Variants in MACROD2 observed in about 807,000 individuals in gnomAD.
MACROD2 encodes mono-ADP ribosylhydrolase 2, also known as ADP-ribose glycohydrolase MACROD2.
MACROD2 carries 36 observed loss-of-function variants against 70.4 expected under a neutral mutation model. That is an observed-to-expected ratio of 0.51 (90% CI 0.39 to 0.68). The LOEUF is 0.68. Among genes scored for constraint, MACROD2 ranks in the 30% least tolerant of loss-of-function variants. MACROD2 has a pLI of 0.00. For missense variants in MACROD2, 496 were observed against 538.4 expected, an observed-to-expected ratio of 0.92 and a Z score of 0.78; for synonymous variants, 172 against 178.8, an observed-to-expected ratio of 0.96 and a Z score of 0.30.
At chr20:14,724,932 G>A (rs2123691564) in intron 5 of MACROD2, among the ~76,000 whole-genome samples, 1 of 152,220 alleles carries the variant, frequency 6.6e-6, no homozygotes, top group Non-Finnish European at 1.5e-5. Context: ...GTACAAAGAA[G>A]GCATGTTATG....
chr20:14,746,888 A>G (rs888228018), intron 5 of MACROD2, among the ~76,000 whole-genome samples: 5 of 152,098 alleles, frequency 3.3e-5, no homozygotes, highest in African/African-American at 1.2e-4. Flanking sequence ...AGCAAACTAC[A>G]TTGTTTCATT....
intron 6 of MACROD2, among the ~76,000 whole-genome samples, chr20:15,426,492 G>A (rs1012346435): frequency 5.3e-5 from 8 of 151,982 alleles, no homozygotes; most frequent in African/African-American, 1.9e-4. Context: ...CTACAGGCAT[G>A]TGCCACCATG....
chr20:14,341,580 A>G (rs914592313), intron 3 of MACROD2, among the ~76,000 whole-genome samples: 1 of 152,244 alleles, frequency 6.6e-6, no homozygotes, highest in Non-Finnish European at 1.5e-5. Flanking sequence ...TGGAGGTTGC[A>G]GTGAGCTGAG....
intron 5 of MACROD2, among the ~76,000 whole-genome samples, chr20:14,954,486 T>C (rs2074502005): frequency 1.4e-5 from 2 of 141,886 alleles, no homozygotes; most frequent in South Asian, 4.2e-4. Flanking sequence ...TATTTAAATA[T>C]ATAAATTATA....
intron 5 of MACROD2, among the ~76,000 whole-genome samples, chr20:14,966,848 T>C (rs1388151995): frequency 6.6e-6 from 1 of 152,164 alleles, no homozygotes; most frequent in Non-Finnish European, 1.5e-5. Context: ...GTTGTGCCAA[T>C]GGGTATTTGA....
At chr20:14,926,546 C>CAA (rs59492795) in intron 5 of MACROD2, among the ~76,000 whole-genome samples, 19,211 of 137,330 alleles carry the variant, frequency 0.14, 1,637 homozygotes, top group East Asian at 0.38. Context: ...AAGACTCCGT[C>CAA]AAAAAAAAAA....
intron 8 of MACROD2, chr20:15,619,828 TCTGGGACATTGTGGGA>T: frequency 6.2e-6 from 1 of 161,116 alleles, no homozygotes; most frequent in African/African-American, 2.4e-5. Flanking sequence ...TCGTTTAGTT[TCTGGGACATTGTGGGA>T]CTGGGACAAT....
chr20:14,646,007 TAA>T (rs35751486), intron 4 of MACROD2, among the ~76,000 whole-genome samples: 29,496 of 150,694 alleles, frequency 0.2, 3,423 homozygotes, highest in Non-Finnish European at 0.26. Context: ...AGTAAATATA[TAA>T]GTTATAAGAA....
intron 3 of MACROD2, among the ~76,000 whole-genome samples, chr20:14,377,275 T>C (rs1398105482): frequency 6.6e-6 from 1 of 152,194 alleles, no homozygotes; most frequent in Non-Finnish European, 1.5e-5. Context: ...GAAAACACCA[T>C]CAAAATTTGA....
intron 5 of MACROD2, among the ~76,000 whole-genome samples, chr20:15,078,732 C>T (rs2075679410): frequency 6.9e-6 from 1 of 145,272 alleles, no homozygotes; most frequent in South Asian, 2.2e-4. Context: ...CTGCAATCTT[C>T]GACTCCTGGG....
intron 3 of MACROD2, among the ~76,000 whole-genome samples, chr20:14,280,782 G>A (rs550333598): frequency 1.6e-4 from 25 of 152,234 alleles, no homozygotes; most frequent in South Asian, 4.1e-4. Flanking sequence ...TTGGGATGAC[G>A]TTATTGCATT....
chr20:14,231,191 GGTTA>G (rs2081808942), intron 3 of MACROD2, among the ~76,000 whole-genome samples: 1 of 151,458 alleles, frequency 6.6e-6, no homozygotes, highest in African/African-American at 2.4e-5. Flanking sequence ...ACAATGTGCA[GGTTA>G]GTTACATATG....
At chr20:15,689,955 A>G (rs990002810) in intron 8 of MACROD2, among the ~76,000 whole-genome samples, 4 of 152,136 alleles carry the variant, frequency 2.6e-5, no homozygotes, top group African/African-American at 9.7e-5. Context: ...CCCTCCATTC[A>G]CCATTGCTGA....
intron 15 of MACROD2, among the ~76,000 whole-genome samples, chr20:16,022,340 C>T (rs564918431): frequency 2.6e-5 from 4 of 152,184 alleles, no homozygotes; most frequent in East Asian, 1.9e-4. Context: ...AGTGAGCCAC[C>T]GCGCCCAGCC....
At chr20:14,025,353 T>C (rs1297517688) in intron 2 of MACROD2, among the ~76,000 whole-genome samples, 1 of 152,214 alleles carries the variant, frequency 6.6e-6, no homozygotes, top group Non-Finnish European at 1.5e-5. Context: ...GTTTTTCGTG[T>C]CTGTATCTCC....
intron 3 of MACROD2, chr20:14,323,408 A>G (rs1462168959): frequency 6.6e-6 from 1 of 152,220 alleles, no homozygotes; most frequent in Non-Finnish European, 1.5e-5. Context: ...CTCTCCAGGC[A>G]TGCCATCCTG....
chr20:14,951,233 T>A lies in MACROD2; in HGVS notation c.418+266274T>A, dbSNP rs569716772. Among the ~76,000 whole-genome samples, 55 of 152,186 alleles carry A rather than the reference T, an allele frequency of 3.6e-4. 1 individual carries two copies. Among genetic ancestry groups the A allele is most frequent in the Admixed American group, 1.1e-3 (17 of 15,286 alleles). On this transcript the variant is annotated intron_variant, in intron 5 of 17. Transcript: ENST00000684519. ...TGAGTAGGTATCAGATCCCCATACA[T>A]AACACTAGTGAAGCTGAGGAACAAA...
intron 8 of MACROD2, among the ~76,000 whole-genome samples, chr20:15,751,707 A>G (rs1181215348): frequency 6.6e-6 from 1 of 151,926 alleles, no homozygotes; most frequent in African/African-American, 2.4e-5. Context: ...AAGGCCCACA[A>G]TATACTATGG....
At position 15,304,932 on chromosome 20, in the gene MACROD2, A is replaced by G. The variant is rs193272192; in HGVS notation, c.540+74871A>G. Reference sequence around the variant, plus strand: ...CACAGAAGTAAATTTGCTTTGCTGAAAAATCCTTTGTCTGAGTGCTCGTTT... The same window carrying G: ...CACAGAAGTAAATTTGCTTTGCTGAGAAATCCTTTGTCTGAGTGCTCGTTT... On this transcript the variant is annotated intron_variant, in intron 6 of 17. Coordinates refer to ENST00000684519, the MANE Select transcript of MACROD2 (RefSeq NM_001351661.2). 1.1e-3 allele frequency among the ~76,000 whole-genome samples: 174 copies of G among 152,348 alleles called. 1 individual carries two copies. The highest frequency in any genetic ancestry group is 4.0e-3 in the African/African-American group (165 of 41,590).
Sources: gnomAD v4.1 joint callset for allele counts (sites outside exome capture counted in the v4.1 genomes callset) on GRCh38, gnomAD v4.1.1 for gene constraint, MANE v1.5 for transcripts, NCBI Gene and HGNC (gene_info 2026-07-23, HGNC 2026-07-21) for gene names.